CDK1: variants seen among roughly 807,000 people sequenced by gnomAD.
The protein encoded by CDK1 is cyclin dependent kinase 1, also known as cyclin-dependent kinase 1.
A neutral mutation model predicts 34.6 loss-of-function variants in CDK1; 5 were observed. The observed-to-expected ratio is 0.14, with a 90% CI of 0.08 to 0.30. The LOEUF (loss-of-function observed/expected upper bound fraction) is 0.30, where lower values mean the gene tolerates loss of function less well. Ranked by LOEUF, CDK1 falls within the 10% of genes least tolerant of loss-of-function variation. The pLI is 1.00. For missense variants in CDK1, 157 were observed against 345.7 expected (o/e 0.45, Z 4.33); for synonymous variants, 108 against 114.7 (o/e 0.94, Z 0.37).
chr10:60,784,757 A>G lies in CDK1; in HGVS notation c.90A>G (p.Val30=), dbSNP rs774991794. 5 of 1,613,024 alleles carry G rather than the reference A, an allele frequency of 3.1e-6. No homozygotes were observed. Among genetic ancestry groups the G allele is most frequent in the South Asian group, 2.2e-5 (2 of 91,056 alleles). The part of the protein sequence containing the change: ...KGRHKTTGQV[V]AMKKIRLESE... ...GACACAAAACTACAGGTCAAGTGGT[A>G]GCCATGAAAAAAATCAGACTAGAAA... is the stretch of plus-strand genomic sequence containing the variant. Residue 30 remains valine (V), a synonymous_variant, in exon 3 of 8, where the codon GTA becomes GTG. Transcript: ENST00000395284.
intron 4 of CDK1, chr10:60,786,799 A>G (rs2080320218): frequency 2.5e-6 from 2 of 790,086 alleles, no homozygotes; most frequent in Non-Finnish European, 3.1e-6. Flanking sequence ...ATGACAATTT[A>G]ACACTTCATA....
chr10:60,783,338 G>T (rs777697352), intron 2 of CDK1, among the ~76,000 whole-genome samples: 6 of 152,096 alleles, frequency 3.9e-5, no homozygotes, highest in Non-Finnish European at 8.8e-5. Context: ...AATGACACCA[G>T]TATTTAAGAA....
chr10:60,781,481 C>T (rs2080272222), intron 2 of CDK1, among the ~76,000 whole-genome samples: 3 of 152,222 alleles, frequency 2.0e-5, no homozygotes, highest in South Asian at 4.2e-4. Context: ...TTGGACTTAA[C>T]ACGAAAGATA....
rs1315887438 is a variant in CDK1, at chr10:60,780,122, A to T, written c.-25-19A>T. On this transcript the variant is annotated intron_variant, in intron 1 of 7. Transcript: ENST00000395284. ...CGAGTTAGTGGCATGTAATTAAGTC[A>T]GTTTTTCCTTCACTTTAGGATCTAC... 4.2e-6 allele frequency: 5 copies of T among 1,193,628 alleles called. No homozygotes were observed. The Admixed American group carries it at 5.1e-5, about 12-fold the overall frequency. The allele number at this position is 1,193,628 out of a possible 1,614,324, so 73.9% of individuals were successfully genotyped here.
chr10:60,784,191 A>G (rs1306160448), intron 2 of CDK1, among the ~76,000 whole-genome samples: 1 of 152,242 alleles, frequency 6.6e-6, no homozygotes, highest in Non-Finnish European at 1.5e-5. Flanking sequence ...TGTGATGACT[A>G]CATGAATTTT....
At chr10:60,787,194 C>A in intron 4 of CDK1, 1 of 333,344 alleles carries the variant, frequency 3.0e-6, no homozygotes, top group Non-Finnish European at 4.3e-6. Context: ...TTCATTTACC[C>A]ATACAACCAT....
At chr10:60,793,143 C>T (rs576975888) in intron 7 of CDK1, among the ~76,000 whole-genome samples, 1 of 152,184 alleles carries the variant, frequency 6.6e-6, no homozygotes, top group African/African-American at 2.4e-5. Flanking sequence ...CCCTTCGAGC[C>T]TCAATGTCCT....
chr10:60,780,965 A>G (rs945899446), intron 2 of CDK1, among the ~76,000 whole-genome samples: 2 of 152,136 alleles, frequency 1.3e-5, no homozygotes, highest in Non-Finnish European at 2.9e-5. Flanking sequence ...GTGAAAAACA[A>G]GGGGGAATAC....
chr10:60,791,969 T>C lies in CDK1; in HGVS notation c.569T>C (p.Ile190Thr). Reference sequence around the variant, plus strand: ...TCAACTCCAGTTGACATTTGGAGTATAGGCACCATATTTGCTGAACTAGCA... The same window carrying C: ...TCAACTCCAGTTGACATTTGGAGTACAGGCACCATATTTGCTGAACTAGCA... ...RYSTPVDIWS[I>T]GTIFAELATK... The change falls in exon 6 of 8, where the codon ATA becomes ACA. Residue 190 changes from isoleucine (I) to threonine (T), a missense_variant. Physicochemically the swap from Ile to Thr is moderately conservative, Grantham distance 89 (BLOSUM62 -1). Coordinates refer to ENST00000395284, the MANE Select transcript of CDK1 (RefSeq NM_001786.5). 6.2e-7 allele frequency: 1 copy of C among 1,610,446 alleles called. No individual in the cohort carries two copies. The highest frequency in any genetic ancestry group is 8.5e-7 in the Non-Finnish European group (1 of 1,176,798).
intron 3 of CDK1, among the ~76,000 whole-genome samples, chr10:60,785,205 G>A (rs920425427): frequency 6.6e-6 from 1 of 152,152 alleles, no homozygotes; most frequent in African/African-American, 2.4e-5. Context: ...CTTAAGAAAA[G>A]TAGCTAGGTC....
At chr10:60,778,598 C>T (rs1308847204) in intron 1 of CDK1, 28 bp downstream of exon 1, 2 of 152,356 alleles carry the variant, frequency 1.3e-5, no homozygotes, top group Non-Finnish European at 2.9e-5. Context: ...AGGGTCGTGT[C>T]TAGGGGACGG....
At chr10:60,779,794 G>T (rs1303664206) in intron 1 of CDK1, among the ~76,000 whole-genome samples, 3 of 152,120 alleles carry the variant, frequency 2.0e-5, no homozygotes. Flanking sequence ...TTTGGCACAC[G>T]CAGGTACTAC....
At position 60,785,690 on chromosome 10, in the gene CDK1, C is replaced by A; in HGVS notation, c.221C>A (p.Ser74Tyr). The stretch of plus-strand genomic sequence containing the variant: ...CTTCAGGATGTGCTTATGCAGGATT[C>A]CAGGTTATATCTCATCTTTGAGTTT... ...VSLQDVLMQD[S>Y]RLYLIFEFLS... is the part of the protein sequence containing the mutation. The change falls in exon 4 of 8, where the codon TCC (serine) becomes TAC (tyrosine). Residue 74 changes from serine to tyrosine, a missense_variant. Physicochemically the swap from Ser to Tyr is moderately radical, Grantham distance 144. Around this residue, in one of 3 missense-constraint regions of CDK1, gnomAD observed 53 missense variants for 89.2 expected, o/e 0.59. Coordinates refer to ENST00000395284, the MANE Select transcript of CDK1 (RefSeq NM_001786.5). 1 of 1,607,798 alleles carries A rather than the reference C, an allele frequency of 6.2e-7. No individual in the cohort carries two copies. Among genetic ancestry groups the A allele is most frequent in the Non-Finnish European group, 8.5e-7 (1 of 1,175,938 alleles).
intron 4 of CDK1, chr10:60,786,827 G>A (rs1026149333): frequency 7.5e-6 from 7 of 937,532 alleles, no homozygotes; most frequent in Middle Eastern, 5.4e-4. Context: ...ATTATAAACC[G>A]CCTATATTTT....
At chr10:60,780,011 AATT>A (rs750530959) in intron 1 of CDK1, 127 bp from the exon 2 acceptor site, 60 of 643,648 alleles carry the variant, frequency 9.3e-5, no homozygotes, top group Middle Eastern at 6.8e-4. Flanking sequence ...GTTTGAATGT[AATT>A]AATATTTATG....
intron 4 of CDK1, chr10:60,786,795 A>G (rs2080320194): frequency 1.3e-6 from 1 of 785,412 alleles, no homozygotes; most frequent in Non-Finnish European, 1.5e-6. Flanking sequence ...TTTCATGACA[A>G]TTTAACACTT....
In CDK1 at chr10:60,786,332, A is replaced by AT. The variant is rs1004744581; in HGVS notation, c.318+556dup. ...ATGTTCACTTTGTATGTATATAAAG[A>AT]TTTTTTTTTTTACACAAGGTGGACT... is the stretch of plus-strand genomic sequence containing the variant. On this transcript the variant is annotated intron_variant, in intron 4 of 7. Transcript: ENST00000395284. 5,402 of 745,580 alleles carry AT rather than the reference A, an allele frequency of 7.2e-3. 1 individual carries two copies. The highest frequency in any genetic ancestry group is 8.3e-3 in the Middle Eastern group (12 of 1,448). 46.2% of individuals were successfully genotyped at this position (745,580 alleles called of 1,614,324 possible). A position where few individuals can be genotyped will look rare whatever the true frequency, so the allele number is the denominator to read the frequency against.
Position 60,791,865 on chromosome 10 carries a change from A to G in CDK1, c.490-25A>G, listed in dbSNP as rs776505266. On this transcript the variant is annotated intron_variant, in intron 5 of 7. Transcript: ENST00000395284. ...GTAATTTTATGCACCACATTTATTC[A>G]TTGTAAAAATTTGCTTTTTAATAGG... 3 of 1,428,516 alleles carry G rather than the reference A, an allele frequency of 2.1e-6. No homozygotes were observed. The Admixed American group carries it at 5.8e-5, about 28-fold the overall frequency. 88.5% of individuals were successfully genotyped at this position (1,428,516 alleles called of 1,614,324 possible). A position where few individuals can be genotyped will look rare whatever the true frequency, so the allele number is the denominator to read the frequency against.
chr10:60,789,043 GGTTA>G (rs761661935), intron 5 of CDK1, among the ~76,000 whole-genome samples: 2 of 151,884 alleles, frequency 1.3e-5, no homozygotes, highest in African/African-American at 2.4e-5. Context: ...TAAAATGGTT[GGTTA>G]GTTCTAGATC....
Sources: allele counts gnomAD v4.1 joint callset (sites outside exome capture counted in the v4.1 genomes callset), GRCh38; gene constraint gnomAD v4.1.1; regional missense constraint gnomAD v4.1.1; transcripts MANE v1.5; gene names NCBI Gene and HGNC (gene_info 2026-07-23, HGNC 2026-07-21).